The following MTMR12 variants were observed in gnomAD, a reference collection of about 807,000 sequenced individuals.
The protein encoded by MTMR12 is myotubularin related protein 12.
Under a neutral mutation model 96.7 loss-of-function variants are expected in MTMR12, and 33 were observed. That is an observed-to-expected ratio of 0.34 (90% CI 0.26 to 0.46). The LOEUF is 0.46. Ranked by LOEUF, MTMR12 falls within the 20% of genes least tolerant of loss-of-function variation. The probability of loss-of-function intolerance (pLI) is 1.00; values close to 1 mark genes in which losing one functional copy is unlikely to be tolerated. For synonymous variants in MTMR12, 298 were observed against 327.2 expected (o/e 0.91, Z 0.96); for missense variants, 721 against 896.1 (o/e 0.80, Z 2.49).
intron 1 of MTMR12, among the ~76,000 whole-genome samples, chr5:32,281,941 C>T (rs16889557): frequency 0.3 from 45,483 of 150,942 alleles, 6,971 homozygotes; most frequent in East Asian, 0.42. Context: ...GAAGGACCTG[C>T]TTGGGCATGC....
intron 1 of MTMR12, among the ~76,000 whole-genome samples, chr5:32,290,430 T>G (rs1347681867): frequency 2.0e-5 from 3 of 152,154 alleles, no homozygotes; most frequent in Non-Finnish European, 2.9e-5. Flanking sequence ...CTCAGTAAAA[T>G]TTTTAGGGGT....
At chr5:32,266,636 C>G (rs1030405035) in intron 6 of MTMR12, among the ~76,000 whole-genome samples, 3 of 150,544 alleles carry the variant, frequency 2.0e-5, no homozygotes, top group Non-Finnish European at 4.4e-5. Flanking sequence ...TGCAGTGAGC[C>G]GAGATCCCGC....
intron 13 of MTMR12, among the ~76,000 whole-genome samples, chr5:32,236,045 C>T (rs1303739878): frequency 6.6e-6 from 1 of 152,186 alleles, no homozygotes; most frequent in East Asian, 1.9e-4. Context: ...TGTACAGCAA[C>T]TTTATTTCAC....
chr5:32,236,230 C>T (rs1279508855), intron 13 of MTMR12, among the ~76,000 whole-genome samples: 1 of 152,116 alleles, frequency 6.6e-6, no homozygotes, highest in Non-Finnish European at 1.5e-5. Flanking sequence ...ATGGTGCCTG[C>T]CAGTCCCCCT....
chr5:32,306,503 C>T (rs9942332), intron 1 of MTMR12, among the ~76,000 whole-genome samples: 2,077 of 152,162 alleles, frequency 0.014, 54 homozygotes, highest in African/African-American at 0.048. Flanking sequence ...AACTAGGCAA[C>T]AGAATACATT....
At chr5:32,273,890 G>C in intron 3 of MTMR12, 90 bp downstream of exon 3, 1 of 1,548,838 alleles carries the variant, frequency 6.5e-7, no homozygotes, top group Non-Finnish European at 8.8e-7. Context: ...GTGTTAGGGG[G>C]TAGAGTAACT....
rs1748084676 is a variant in MTMR12, at chr5:32,233,473, A to ACACACACACACACACACACAC, written c.1674+299_1674+300insGTGTGTGTGTGTGTGTGTGTG. ...CTCTACTAACACACACACACACACA[A>ACACACACACACACACACACAC]ACACACACACACACACACACACACA... On this transcript the variant is annotated intron_variant, in intron 15 of 15. Transcript: ENST00000382142. The surrounding 1 kb of genome is among the most constrained non-coding windows in gnomAD (Gnocchi z 5.0). Among the ~76,000 whole-genome samples the ACACACACACACACACACACAC allele has an allele frequency of 3.3e-5, 2 of 59,934 alleles. No individual in the cohort carries two copies. Among genetic ancestry groups the ACACACACACACACACACACAC allele is most frequent in the African/African-American group, 9.2e-5 (2 of 21,724 alleles). The allele number at this position is 59,934 out of a possible 152,430, so 39.3% of individuals were successfully genotyped here.
At chr5:32,274,182 A>C in intron 2 of MTMR12, 60 bp from the exon 3 acceptor site, 1 of 1,567,972 alleles carries the variant, frequency 6.4e-7, no homozygotes. Context: ...ATATGCAAAC[A>C]CTAAAGGCTT....
intron 1 of MTMR12, among the ~76,000 whole-genome samples, chr5:32,280,978 T>C (rs1017251544): frequency 2.6e-5 from 4 of 151,990 alleles, no homozygotes; most frequent in African/African-American, 9.7e-5. Flanking sequence ...CAGGGTGTGG[T>C]GGCTCACACC....
chr5:32,304,212 C>T (rs897043334), intron 1 of MTMR12, among the ~76,000 whole-genome samples: 5 of 151,624 alleles, frequency 3.3e-5, no homozygotes, highest in African/African-American at 1.2e-4. Flanking sequence ...CCCAGCTACT[C>T]GGGAGGCTGA....
rs774846922 is a variant in MTMR12 at position 32,312,644 on chromosome 5, C to T, written c.81+114G>A. The T allele has an allele frequency of 4.7e-4, 472 of 994,616 alleles. 1 individual carries two copies. The highest frequency in any genetic ancestry group is 5.4e-4 in the Non-Finnish European group (422 of 779,776). The allele number at this position is 994,616 out of a possible 1,614,324, so 61.6% of individuals were successfully genotyped here. A position where few individuals can be genotyped will look rare whatever the true frequency, so the allele number is the denominator to read the frequency against. ...CAGCCCGCCTGGCTGCCCCGTCGCC[C>T]GGCACAAGGGCAGGAAGCGCTCCGC... On this transcript the variant is annotated intron_variant, in intron 1 of 15. Transcript: ENST00000382142. The surrounding 1 kb of genome is among the most constrained non-coding windows in gnomAD (Gnocchi z 5.0).
intron 15 of MTMR12, among the ~76,000 whole-genome samples, chr5:32,230,969 T>C (rs939252760): frequency 2.0e-5 from 3 of 152,212 alleles, no homozygotes; most frequent in African/African-American, 4.8e-5. Context: ...CCAGCTAAGC[T>C]GACCAGACTT....
At chr5:32,284,081 C>T (rs541987384) in intron 1 of MTMR12, among the ~76,000 whole-genome samples, 83 of 152,028 alleles carry the variant, frequency 5.5e-4, no homozygotes, top group African/African-American at 1.9e-3. Flanking sequence ...GTGGATGGAC[C>T]GGATCACTTG....
At chr5:32,272,057 C>T (rs1022702075) in intron 3 of MTMR12, 152 bp from the exon 4 acceptor site, 20 of 414,088 alleles carry the variant, frequency 4.8e-5, no homozygotes, top group South Asian at 9.8e-5. Context: ...TTTGGGAGGC[C>T]GACGCGGGCG....
rs188766448 is a variant in MTMR12, at chr5:32,298,611, G to A, written c.81+14147C>T. Among the ~76,000 whole-genome samples, 198 of 152,204 alleles carry A rather than the reference G, an allele frequency of 1.3e-3. 1 individual carries two copies. The highest frequency in any genetic ancestry group is 4.2e-3 in the African/African-American group (173 of 41,546). On this transcript the variant is annotated intron_variant, in intron 1 of 15. Transcript: ENST00000382142. ...GTGGGTATGGCAGTCCTATAAGAGG[G>A]ACAGCATGCCTGGCTCCAGACACAC...
At chr5:32,306,571 A>T (rs549069335) in intron 1 of MTMR12, among the ~76,000 whole-genome samples, 4 of 152,044 alleles carry the variant, frequency 2.6e-5, no homozygotes, top group South Asian at 2.1e-4. Context: ...ATATATATAT[A>T]TTTTTTACTC....
intron 1 of MTMR12, among the ~76,000 whole-genome samples, chr5:32,299,726 C>A (rs1478378378): frequency 1.3e-5 from 2 of 152,176 alleles, no homozygotes; most frequent in Admixed American, 6.5e-5. Context: ...TGGAGATACT[C>A]CTGCAGGTCC....
intron 7 of MTMR12, among the ~76,000 whole-genome samples, chr5:32,257,061 C>CA (rs1749166442): frequency 6.6e-6 from 1 of 152,066 alleles, no homozygotes; most frequent in Non-Finnish European, 1.5e-5. Context: ...GGCATGGTGG[C>CA]ACACGCCTAT....
At chr5:32,258,902 C>CAG (rs956382962) in intron 7 of MTMR12, among the ~76,000 whole-genome samples, 1 of 90,592 alleles carries the variant, frequency 1.1e-5, no homozygotes, top group African/African-American at 3.8e-5. Context: ...TGGTCTTTCA[C>CAG]AAAAAAAAAA....
Sources: allele counts gnomAD v4.1 joint callset (sites outside exome capture counted in the v4.1 genomes callset), GRCh38; gene constraint gnomAD v4.1.1; non-coding constraint Gnocchi (gnomAD v3.1); transcripts MANE v1.5; gene names NCBI Gene and HGNC (gene_info 2026-07-23, HGNC 2026-07-21).